Variants in DPP3 observed in about 807,000 individuals in gnomAD.
The protein encoded by DPP3 is DPP III.
A neutral mutation model predicts 89.8 loss-of-function variants in DPP3; 64 were observed. That is an observed-to-expected ratio of 0.71 (90% CI 0.58 to 0.88). DPP3 has a LOEUF of 0.88. Ranked by LOEUF, DPP3 falls within the 40% of genes least tolerant of loss-of-function variation. The pLI is 0.00. For missense variants in DPP3, 835 were observed against 972.5 expected (o/e 0.86, Z 1.88); for synonymous variants, 377 against 404.3 (o/e 0.93, Z 0.81).
chr11:66,499,995 G>A (rs1241717128), intron 16 of DPP3, among the ~76,000 whole-genome samples: 1 of 152,028 alleles, frequency 6.6e-6, no homozygotes, highest in African/African-American at 2.4e-5. Flanking sequence ...CATGGTCTTG[G>A]AACATATACG....
At position 66,492,774 on chromosome 11, in the gene DPP3, C is replaced by T. The variant is rs756107181; in HGVS notation, c.1047C>T (p.Ser349=). 1.4e-5 allele frequency: 23 copies of T among 1,613,468 alleles called. No homozygotes were observed. The South Asian group carries it at 1.5e-4, about 11-fold the overall frequency. The change falls in exon 10 of 18, where the codon AGC becomes AGT. Residue 349 remains serine, a synonymous_variant. Transcript: ENST00000531863. ...MSAKFERLVA[S]AEQLLKELPW... ...CCAAGTTTGAGCGGCTGGTGGCGAGCGCAGAGCAGCTGCTGAAGGAGCTGC... is the reference window on the plus strand; with the variant it reads ...CCAAGTTTGAGCGGCTGGTGGCGAGTGCAGAGCAGCTGCTGAAGGAGCTGC...
intron 6 of DPP3, among the ~76,000 whole-genome samples, chr11:66,489,261 G>C (rs1256307837): frequency 6.6e-6 from 1 of 152,110 alleles, no homozygotes; most frequent in Non-Finnish European, 1.5e-5. Context: ...CCATCCTCTA[G>C]GCCATGCATG....
chr11:66,486,842 G>A (rs1269183609), intron 4 of DPP3, among the ~76,000 whole-genome samples, 165 bp downstream of exon 4: 2 of 152,178 alleles, frequency 1.3e-5, no homozygotes, highest in Non-Finnish European at 2.9e-5. Context: ...TCTGTAGAAT[G>A]GTAAGCATGT....
At chr11:66,488,055 G>A (rs774898306) in intron 6 of DPP3, 48 bp downstream of exon 6, 47 of 1,564,596 alleles carry the variant, frequency 3.0e-5, no homozygotes, top group South Asian at 3.5e-5. Flanking sequence ...GGGCATTTCC[G>A]GACCTGGGTG....
At chr11:66,491,215 T>A in intron 6 of DPP3, 38 bp from the exon 7 acceptor site, 1 of 1,611,270 alleles carries the variant, frequency 6.2e-7, no homozygotes, top group Non-Finnish European at 8.5e-7. Flanking sequence ...GGCCTCTTAC[T>A]CCAGCCTTTT....
chr11:66,491,645 C>T (rs1164341732), intron 8 of DPP3, 21 bp downstream of exon 8: 2 of 1,610,628 alleles, frequency 1.2e-6, no homozygotes, highest in Non-Finnish European at 1.7e-6. Flanking sequence ...AGCTCCACCC[C>T]ACCTGCCCCC....
intron 3 of DPP3, among the ~76,000 whole-genome samples, chr11:66,485,817 C>A (rs935607725): frequency 3.3e-5 from 5 of 152,204 alleles, no homozygotes; most frequent in African/African-American, 1.2e-4. Context: ...GTGATCATGA[C>A]TCACTTCAGC....
In DPP3 at chr11:66,507,593, T is replaced by G. The variant is rs368202744; in HGVS notation, c.2042-1486T>G. On this transcript the variant is annotated intron_variant, in intron 17 of 17. Transcript: ENST00000531863. ...AAGATCGCATCCATCTTCAAGAGTA[T>G]CCGGGAACGTTCTGGGGAGGAAGGG... Among the ~76,000 whole-genome samples, 10 of 152,024 alleles carry G rather than the reference T, an allele frequency of 6.6e-5. No homozygotes were observed. In the East Asian group the frequency reaches 1.2e-3, roughly 18 times the overall value.
chr11:66,504,667 C>T lies in DPP3; in HGVS notation c.1934C>T (p.Ala645Val), dbSNP rs762755573. ...AGGRALYEGY[A>V]TVTDAPPECF... ...GGGCGGGCCCTGTACGAGGGGTATGCAACAGTCACTGATGCGCCCCCCGAG... is the reference window on the plus strand; with the variant it reads ...GGGCGGGCCCTGTACGAGGGGTATGTAACAGTCACTGATGCGCCCCCCGAG... The change falls in exon 17 of 18, where the codon GCA becomes GTA. Residue 645 changes from alanine (A) to valine (V), a missense_variant. Transcript: ENST00000531863. The T allele has an allele frequency of 1.8e-5, 29 of 1,613,328 alleles. No individual in the cohort carries two copies. The highest frequency in any genetic ancestry group is 2.5e-5 in the Non-Finnish European group (29 of 1,179,798).
At chr11:66,491,779 C>T (rs775384344) in intron 9 of DPP3, 23 bp downstream of exon 9, 1 of 1,613,208 alleles carries the variant, frequency 6.2e-7, no homozygotes, top group Non-Finnish European at 8.5e-7. Flanking sequence ...GGGAGGAGGT[C>T]AGTCACAGTC....
intron 16 of DPP3, among the ~76,000 whole-genome samples, chr11:66,499,100 C>T (rs1855617175): frequency 6.6e-6 from 1 of 152,180 alleles, no homozygotes; most frequent in Non-Finnish European, 1.5e-5. Flanking sequence ...CGGTGGCTCA[C>T]GCCTGTAATC....
At chr11:66,490,640 G>A (rs76869768) in intron 6 of DPP3, among the ~76,000 whole-genome samples, 3,856 of 152,238 alleles carry the variant, frequency 0.025, 170 homozygotes, top group African/African-American at 0.088. Flanking sequence ...CGGTGAAATG[G>A]AAATGATAAT....
At chr11:66,493,449 A>G in intron 11 of DPP3, 92 bp from the exon 12 acceptor site, 2 of 1,329,944 alleles carry the variant, frequency 1.5e-6, no homozygotes, top group Non-Finnish European at 2.1e-6. Flanking sequence ...ACATGCACTG[A>G]GATGGGTCCA....
intron 15 of DPP3, 32 bp from the exon 16 acceptor site, chr11:66,497,266 C>A: frequency 6.2e-7 from 1 of 1,603,632 alleles, no homozygotes; most frequent in South Asian, 1.1e-5. Flanking sequence ...TTGATACGGG[C>A]TACAAATGCT....
chr11:66,502,626 T>C (rs1182844690), intron 16 of DPP3, among the ~76,000 whole-genome samples: 1 of 152,056 alleles, frequency 6.6e-6, no homozygotes, highest in African/African-American at 2.4e-5. Flanking sequence ...CCCGCCTGGC[T>C]AATTTTTTGT....
chr11:66,491,409 T>A, intron 7 of DPP3, 26 bp downstream of exon 7: 5 of 1,609,592 alleles, frequency 3.1e-6, no homozygotes, highest in Non-Finnish European at 4.2e-6. Flanking sequence ...GGCTGAGGGG[T>A]GCGGGCTGAG....
At position 66,487,968 on chromosome 11, in the gene DPP3, C is replaced by T. The variant is rs140206368; in HGVS notation, c.628C>T (p.Pro210Ser). The T allele has an allele frequency of 4.4e-4, 716 of 1,613,984 alleles. No individual in the cohort carries two copies. The highest frequency in any genetic ancestry group is 5.9e-4 in the Non-Finnish European group (693 of 1,179,992). The change falls in exon 6 of 18, where the codon CCC (proline) becomes TCC (serine). Residue 210 changes from proline (P) to serine (S), a missense_variant. By Grantham distance (74) the Pro-to-Ser change is moderately conservative. Coordinates refer to ENST00000531863, the MANE Select transcript of DPP3 (RefSeq NM_130443.4). Reference sequence around the variant, plus strand: ...CAAAGAGGTCGATGGAGAAGGGAAGCCCTACTACGAGGTGCGGCTGGCTTC... The same window carrying T: ...CAAAGAGGTCGATGGAGAAGGGAAGTCCTACTACGAGGTGCGGCTGGCTTC... ...LFKEVDGEGK[P>S]YYEVRLASVL...
At chr11:66,480,774 C>T (rs1855054766) in intron 1 of DPP3, 1 of 323,508 alleles carries the variant, frequency 3.1e-6, no homozygotes, top group South Asian at 1.1e-4. Flanking sequence ...CCCCGGGTTC[C>T]AACGGGGCTG....
rs1029242180 is a variant in DPP3 at position 66,502,530 on chromosome 11, C to T, written c.1879-2082C>T. ...TGTCGCCCAGGCTGGAGTGCAGTGG[C>T]GTGATCTCAGCTCACTGCAAGCTCC... On this transcript the variant is annotated intron_variant, in intron 16 of 17. Transcript: ENST00000531863. Among the ~76,000 whole-genome samples, 7 of 151,730 alleles carry T rather than the reference C, an allele frequency of 4.6e-5. No homozygotes were observed. In the East Asian group the frequency reaches 7.8e-4, roughly 17 times the overall value.
Sources: gnomAD v4.1 joint callset for allele counts (sites outside exome capture counted in the v4.1 genomes callset) on GRCh38, gnomAD v4.1.1 for gene constraint, MANE v1.5 for transcripts, NCBI Gene and HGNC (gene_info 2026-07-23, HGNC 2026-07-21) for gene names.